Variants in VMA22 observed in about 807,000 individuals in gnomAD.
The protein encoded by VMA22 is vacuolar ATPase assembly protein VMA22.
At chr2:130,341,044 G>C in the VMA22 span, 1 of 1,596,324 alleles carries the variant, frequency 6.3e-7, no homozygotes, top group Admixed American at 1.8e-5. Flanking sequence ...GCAGACCTGA[G>C]GAAAGAAAGG....
chr2:130,340,809 C>G, the VMA22 span: 5 of 1,447,816 alleles, frequency 3.5e-6, no homozygotes, highest in East Asian at 1.1e-4. Flanking sequence ...ACCTGCAAAG[C>G]CTTTCACAGA....
chr2:130,338,989 G>A, the VMA22 span: 2 of 663,156 alleles, frequency 3.0e-6, no homozygotes, highest in East Asian at 5.4e-5. Flanking sequence ...AACATGCAGA[G>A]CAGGGACACA....
the VMA22 span, chr2:130,341,985 T>C: frequency 6.2e-7 from 1 of 1,613,008 alleles, no homozygotes; most frequent in Non-Finnish European, 8.5e-7. Context: ...TTTACGCCCG[T>C]GTACCCTCCT....
the VMA22 span, chr2:130,339,445 A>T: frequency 7.1e-7 from 1 of 1,411,944 alleles, no homozygotes; most frequent in South Asian, 1.5e-5. Flanking sequence ...ACCTCCTTAG[A>T]CTTCCTGGAC....
At chr2:130,339,605 C>G in the VMA22 span, 1 of 1,302,826 alleles carries the variant, frequency 7.7e-7, no homozygotes, top group Non-Finnish European at 1.0e-6. Flanking sequence ...CACTCTGGAT[C>G]CACCTCTAGA....
At chr2:130,339,320 C>T in the VMA22 span, 2 of 1,374,554 alleles carry the variant, frequency 1.5e-6, no homozygotes, top group Admixed American at 4.1e-5. Flanking sequence ...ATTGGAAAGG[C>T]TTCAGGCCTC....
At chr2:130,342,454 G>A in the VMA22 span, 27 of 549,278 alleles carry the variant, frequency 4.9e-5, no homozygotes, top group Non-Finnish European at 7.7e-5. Flanking sequence ...ATGGAAGAAG[G>A]CGAAGCTCTA....
chr2:130,341,580 G>T, the VMA22 span: 1 of 1,195,594 alleles, frequency 8.4e-7, no homozygotes, highest in Non-Finnish European at 1.2e-6. Context: ...CTCTCTTATC[G>T]CAAAAACCTA....
chr2:130,342,679 G>C, the VMA22 span: 1 of 533,288 alleles, frequency 1.9e-6, no homozygotes. Context: ...ATATTTATTA[G>C]CTGCGGTCCT....
chr2:130,341,670 C>CA, the VMA22 span: 5 of 1,610,886 alleles, frequency 3.1e-6, no homozygotes, highest in Non-Finnish European at 4.2e-6. Flanking sequence ...GGCTCACCTG[C>CA]TTCGCGAGGC....
At chr2:130,341,929 C>A in the VMA22 span, 6 of 1,613,478 alleles carry the variant, frequency 3.7e-6, no homozygotes, top group South Asian at 5.5e-5. Context: ...CGAGCCTTGG[C>A]GAGCGAGAGC....
the VMA22 span, chr2:130,342,193 T>A: frequency 6.3e-7 from 1 of 1,580,918 alleles, no homozygotes. Flanking sequence ...GGACAGCCAA[T>A]AGGCACACGA....
the VMA22 span, chr2:130,338,434 T>C: frequency 6.6e-6 from 1 of 152,166 alleles, no homozygotes; most frequent in Non-Finnish European, 1.5e-5. Context: ...CTCCTAGAAA[T>C]TACTGCAAAG....
chr2:130,340,677 G>A, the VMA22 span: 1 of 563,788 alleles, frequency 1.8e-6, no homozygotes, highest in Non-Finnish European at 3.2e-6. Flanking sequence ...CATGAAAAGT[G>A]TTTGTCTCTT....
At chr2:130,339,773 G>A in the VMA22 span, 1 of 1,303,484 alleles carries the variant, frequency 7.7e-7, no homozygotes, top group South Asian at 1.2e-5. Flanking sequence ...CTGCCCCCAG[G>A]TGTTGCTCCT....
the VMA22 span, chr2:130,339,766 C>A: frequency 7.7e-7 from 1 of 1,303,556 alleles, no homozygotes; most frequent in Non-Finnish European, 1.0e-6. Flanking sequence ...AGGACACCTG[C>A]CCCCAGGTGT....
At chr2:130,341,805 G>A in the VMA22 span, 4 of 272,756 alleles carry the variant, frequency 1.5e-5, no homozygotes, top group South Asian at 4.5e-5. Context: ...GAACGCGCCC[G>A]CCCGCCCACC....
chr2:130,341,577 A>G, the VMA22 span: 1 of 1,148,918 alleles, frequency 8.7e-7, no homozygotes, highest in South Asian at 1.4e-5. Flanking sequence ...GCTCTCTCTT[A>G]TCGCAAAAAC....
chr2:130,342,189 C>G, the VMA22 span: 2 of 1,585,806 alleles, frequency 1.3e-6, no homozygotes, highest in Non-Finnish European at 1.7e-6. Flanking sequence ...GGCAGGACAG[C>G]CAATAGGCAC....
Sources: allele counts gnomAD v4.1 joint callset, GRCh38; gene constraint gnomAD v4.1.1; transcripts MANE v1.5; gene names NCBI Gene and HGNC (gene_info 2026-07-23, HGNC 2026-07-21).